The following GRB2 variants were observed in gnomAD, a reference collection of about 807,000 sequenced individuals.
GRB2 encodes growth factor receptor-bound protein 2.
GRB2 carries 2 observed loss-of-function variants against 27.4 expected under a neutral mutation model. The observed-to-expected ratio is 0.07, with a 90% CI of 0.03 to 0.23. The LOEUF is 0.23. Ranked by LOEUF, GRB2 falls within the 10% of genes least tolerant of loss-of-function variation. The probability of loss-of-function intolerance (pLI) is 1.00; values close to 1 mark genes in which losing one functional copy is unlikely to be tolerated. For synonymous variants in GRB2, 94 were observed against 99.6 expected (o/e 0.94, Z 0.33); for missense variants, 102 against 282.4 (o/e 0.36, Z 4.58).
chr17:75,356,234 G>C (rs1003264981), intron 2 of GRB2, among the ~76,000 whole-genome samples: 1 of 151,992 alleles, frequency 6.6e-6, no homozygotes, highest in South Asian at 2.1e-4. Flanking sequence ...TTAAATATTT[G>C]GGCCAGGTAC....
chr17:75,332,904 C>T (rs1052501046), intron 2 of GRB2, 107 bp from the exon 3 acceptor site: 4 of 672,770 alleles, frequency 5.9e-6, no homozygotes, highest in Non-Finnish European at 7.6e-6. Flanking sequence ...CGGTTTCACT[C>T]GAAGTATTAT....
At chr17:75,389,771 G>A (rs947655240) in intron 2 of GRB2, among the ~76,000 whole-genome samples, 2 of 152,086 alleles carry the variant, frequency 1.3e-5, no homozygotes, top group Admixed American at 1.3e-4. Flanking sequence ...CGTGAACCCG[G>A]GAGGCAGAGC....
chr17:75,333,229 C>A (rs939654821), intron 2 of GRB2, among the ~76,000 whole-genome samples: 1 of 152,156 alleles, frequency 6.6e-6, no homozygotes, highest in Non-Finnish European at 1.5e-5. Flanking sequence ...GCGCATGCCA[C>A]GTTGCCCAGC....
chr17:75,366,574 G>A (rs1054658845), intron 2 of GRB2, among the ~76,000 whole-genome samples: 5 of 151,656 alleles, frequency 3.3e-5, no homozygotes, highest in Non-Finnish European at 5.9e-5. Flanking sequence ...TGAGGCGGGC[G>A]GATCACTTGA....
At chr17:75,398,646 A>G (rs951706023) in intron 1 of GRB2, among the ~76,000 whole-genome samples, 9 of 152,202 alleles carry the variant, frequency 5.9e-5, no homozygotes, top group African/African-American at 2.2e-4. Flanking sequence ...GTTACATTAT[A>G]ATAATAAAAT....
At chr17:75,349,434 G>A (rs1013082058) in intron 2 of GRB2, among the ~76,000 whole-genome samples, 2 of 151,742 alleles carry the variant, frequency 1.3e-5, no homozygotes, top group Admixed American at 6.6e-5. Context: ...AGAAACCTTC[G>A]AGGACACATG....
At chr17:75,327,046 G>T (rs944626356) in intron 3 of GRB2, among the ~76,000 whole-genome samples, 11 of 150,622 alleles carry the variant, frequency 7.3e-5, no homozygotes, top group African/African-American at 2.4e-4. Context: ...GTCCATTAAA[G>T]TTGTAAATCT....
chr17:75,332,964 G>C (rs546793347), intron 2 of GRB2, among the ~76,000 whole-genome samples, 167 bp from the exon 3 acceptor site: 12 of 152,212 alleles, frequency 7.9e-5, no homozygotes, highest in Admixed American at 2.6e-4. Flanking sequence ...CCAGCATTAT[G>C]TTAAACTCTG....
chr17:75,332,273 T>G (rs948185313), intron 3 of GRB2, among the ~76,000 whole-genome samples: 3 of 152,190 alleles, frequency 2.0e-5, no homozygotes, highest in Admixed American at 1.3e-4. Context: ...AAACATTTAT[T>G]GAGAACTATT....
chr17:75,341,214 C>A (rs1216827237), intron 2 of GRB2, among the ~76,000 whole-genome samples: 1 of 151,920 alleles, frequency 6.6e-6, no homozygotes, highest in Admixed American at 6.6e-5. Flanking sequence ...AGTGGATCAC[C>A]TGAGGTCAGG....
chr17:75,405,116 C>G (rs1336553043), intron 1 of GRB2: 1 of 152,260 alleles, frequency 6.6e-6, no homozygotes, highest in East Asian at 1.9e-4. Context: ...ATCACCACAG[C>G]TGCAGCCCAC....
chr17:75,325,786 G>A (rs1268277325), intron 4 of GRB2, 112 bp downstream of exon 4: 2 of 1,120,204 alleles, frequency 1.8e-6, no homozygotes, highest in Non-Finnish European at 2.7e-6. Context: ...TGAAGAAACT[G>A]TTTAGGCTAA....
intron 2 of GRB2, among the ~76,000 whole-genome samples, chr17:75,386,833 A>C (rs4238981): frequency 3.3e-5 from 5 of 152,188 alleles, no homozygotes; most frequent in African/African-American, 1.2e-4. Context: ...AATCTGAGCA[A>C]GTTTCTTAAG....
At chr17:75,350,438 A>C (rs971237129) in intron 2 of GRB2, among the ~76,000 whole-genome samples, 2 of 152,194 alleles carry the variant, frequency 1.3e-5, no homozygotes, top group African/African-American at 4.8e-5. Context: ...CATCTTGGGG[A>C]GACCGAATCT....
chr17:75,385,142 G>A (rs193221313), intron 2 of GRB2, among the ~76,000 whole-genome samples: 2 of 151,582 alleles, frequency 1.3e-5, no homozygotes, highest in Non-Finnish European at 2.9e-5. Flanking sequence ...TCAGGAGGCT[G>A]AAGTAGGAGG....
At chr17:75,362,858 A>G (rs2078793614) in intron 2 of GRB2, among the ~76,000 whole-genome samples, 1 of 152,200 alleles carries the variant, frequency 6.6e-6, no homozygotes, top group Non-Finnish European at 1.5e-5. Flanking sequence ...CTAATATGAC[A>G]AATACTGACA....
intron 2 of GRB2, chr17:75,371,385 C>G (rs1209436262): frequency 6.6e-6 from 1 of 152,076 alleles, no homozygotes; most frequent in African/African-American, 2.4e-5. Context: ...AGCCTGAACT[C>G]AGGCAGGACA....
chr17:75,358,837 T>C (rs1014177769), intron 2 of GRB2, among the ~76,000 whole-genome samples: 3 of 137,536 alleles, frequency 2.2e-5, no homozygotes, highest in Non-Finnish European at 4.6e-5. Flanking sequence ...TGAGCTGAGA[T>C]TGTGCCACTG....
chr17:75,364,270 G>GT (rs2078805352), intron 2 of GRB2, among the ~76,000 whole-genome samples: 1 of 152,156 alleles, frequency 6.6e-6, no homozygotes, highest in South Asian at 2.1e-4. Context: ...AGTGGCTGTG[G>GT]TTTTATTACA....
Sources: allele counts gnomAD v4.1 joint callset (sites outside exome capture counted in the v4.1 genomes callset), GRCh38; gene constraint gnomAD v4.1.1; transcripts MANE v1.5; gene names NCBI Gene and HGNC (gene_info 2026-07-23, HGNC 2026-07-21).